Variants in SGO2 observed in about 807,000 individuals in gnomAD.
SGO2 encodes shugoshin 2, also known as shugoshin-like 2.
Under a neutral mutation model 99.5 loss-of-function variants are expected in SGO2, and 68 were observed. The observed-to-expected ratio is 0.68, with a 90% CI of 0.56 to 0.84. The LOEUF (loss-of-function observed/expected upper bound fraction) is 0.84, where lower values mean the gene tolerates loss of function less well. Among genes scored for constraint, SGO2 ranks in the 40% least tolerant of loss-of-function variants. SGO2 has a pLI of 0.00. For synonymous variants in SGO2, 457 were observed against 487.1 expected (o/e 0.94, Z 0.81); for missense variants, 1,350 against 1,436.7 (o/e 0.94, Z 0.97).
intron 2 of SGO2, chr2:200,533,448 A>G (rs1293137586): frequency 4.8e-6 from 1 of 206,274 alleles, no homozygotes; most frequent in Non-Finnish European, 9.8e-6. Context: ...TGGCAACTGG[A>G]TGATGGGTAG....
chr2:200,569,932 A>C, intron 6 of SGO2, 40 bp downstream of exon 6: 1 of 1,291,944 alleles, frequency 7.7e-7, no homozygotes, highest in Admixed American at 1.8e-5. Context: ...TATTTGTATT[A>C]GTTACATTCA....
intron 1 of SGO2, among the ~76,000 whole-genome samples, chr2:200,528,941 G>A (rs1228952579): frequency 6.6e-6 from 1 of 152,208 alleles, no homozygotes; most frequent in Non-Finnish European, 1.5e-5. Context: ...GATATTAAAT[G>A]CTTTTCACAG....
In SGO2 at chr2:200,573,253, A is replaced by C. The variant is rs751401444; in HGVS notation, c.2907A>C (p.Glu969Asp). The C allele has an allele frequency of 1.3e-6, 2 of 1,594,442 alleles. No homozygotes were observed. The highest frequency in any genetic ancestry group is 4.5e-5 in the East Asian group (2 of 44,702). The stretch of plus-strand genomic sequence containing the variant: ...ACTATATGGAAGTCAACAGTAATGA[A>C]AAGGAAAGTTGTGATCAAATTTTAG... The part of the protein sequence containing the change: ...NKHYMEVNSN[E>D]KESCDQILDS... Residue 969 changes from glutamate to aspartate, a missense_variant, in exon 7 of 9, where the codon GAA becomes GAC. By Grantham distance (45) the Glu-to-Asp change is conservative (BLOSUM62 2). Coordinates refer to ENST00000357799, the MANE Select transcript of SGO2 (RefSeq NM_152524.6).
intron 5 of SGO2, among the ~76,000 whole-genome samples, chr2:200,564,026 AT>A (rs2033086717): frequency 6.6e-6 from 1 of 152,038 alleles, no homozygotes; most frequent in Non-Finnish European, 1.5e-5. Flanking sequence ...GGATTAATTG[AT>A]TTTTTGAAGG....
chr2:200,552,255 T>C (rs72926097), intron 5 of SGO2, among the ~76,000 whole-genome samples: 16,754 of 152,222 alleles, frequency 0.11, 1,103 homozygotes, highest in Non-Finnish European at 0.15. Flanking sequence ...GGTCTTGCTA[T>C]GTTGTCCAGG....
rs969121896 is a variant in SGO2 at position 200,583,140 on chromosome 2, T to C, written c.3783-309T>C. ...GAGCATTTACTTTGTTTTTAAATGG[T>C]ATATTTTCACATGTTCTTGAACATA... On this transcript the variant is annotated intron_variant, in intron 8 of 8. Transcript: ENST00000357799. Among the ~76,000 whole-genome samples the C allele has an allele frequency of 2.0e-5, 3 of 152,200 alleles. No individual in the cohort carries two copies. The South Asian group carries it at 6.2e-4, about 32-fold the overall frequency.
chr2:200,535,936 A>G, intron 3 of SGO2, 129 bp from the exon 4 acceptor site: 2 of 499,972 alleles, frequency 4.0e-6, no homozygotes. Context: ...TGTGATCTCA[A>G]TTTTTAGCTC....
Position 200,573,910 on chromosome 2 carries a change from T to C in SGO2, c.3564T>C (p.Asp1188=). 6.2e-7 allele frequency: 1 copy of C among 1,610,042 alleles called. No individual in the cohort carries two copies. Among genetic ancestry groups the C allele is most frequent in the Non-Finnish European group, 8.5e-7 (1 of 1,178,820 alleles). ...GCTCCCCAGCCTTTCAAGTAAGTGA[T>C]GATGAGCATGAGAAGATGAACAAGA... ...LECSPAFQVS[D]DEHEKMNKMK... The change falls in exon 7 of 9, where the codon GAT becomes GAC. Residue 1188 remains aspartate (D), a synonymous_variant. Transcript: ENST00000357799.
intron 5 of SGO2, 71 bp downstream of exon 5, chr2:200,542,735 T>A (rs879557598): frequency 3.0e-5 from 40 of 1,317,762 alleles, no homozygotes; most frequent in Non-Finnish European, 4.0e-5. Flanking sequence ...TGTTTGTGTG[T>A]ATTGTACAGT....
chr2:200,569,879 T>A lies in SGO2; in HGVS notation c.690T>A (p.Asp230Glu). 2.5e-6 allele frequency: 4 copies of A among 1,581,878 alleles called. No homozygotes were observed. Among genetic ancestry groups the A allele is most frequent in the Non-Finnish European group, 3.5e-6 (4 of 1,151,724 alleles). The change falls in exon 6 of 9, where the codon GAT becomes GAA. Residue 230 changes from aspartate (D) to glutamate (E), a missense_variant. Asp to Glu is a conservative substitution (Grantham distance 45, BLOSUM62 2). Transcript: ENST00000357799. ...CAGAACATATTTCTTCTATAGTTGA[T>A]GTACCTCCCAGAGGTGAGATTGTTT... ...DDSEHISSIV[D>E]VPPRESHSHS...
At chr2:200,568,604 G>A (rs1215862877) in intron 5 of SGO2, among the ~76,000 whole-genome samples, 2 of 152,044 alleles carry the variant, frequency 1.3e-5, no homozygotes, top group African/African-American at 2.4e-5. Flanking sequence ...TCTCTTATCT[G>A]ACATTTCCCC....
rs2033510023 is a variant in SGO2 at position 200,573,038 on chromosome 2, C to A, written c.2692C>A (p.Gln898Lys). The change falls in exon 7 of 9, where the codon CAA becomes AAA. Residue 898 changes from glutamine (Q) to lysine (K), a missense_variant. Physicochemically the swap from Gln to Lys is moderately conservative, Grantham distance 53. Coordinates refer to ENST00000357799, the MANE Select transcript of SGO2 (RefSeq NM_152524.6). ...KYVTDRKSAE[Q>K]NESKINKLRN... Reference sequence around the variant, plus strand: ...TGTTACTGATAGGAAATCTGCTGAGCAAAATGAATCAAAAATAAATAAGCT... The same window carrying A: ...TGTTACTGATAGGAAATCTGCTGAGAAAAATGAATCAAAAATAAATAAGCT... 6.4e-7 allele frequency: 1 copy of A among 1,563,326 alleles called. No individual in the cohort carries two copies. Among genetic ancestry groups the A allele is most frequent in the Non-Finnish European group, 8.6e-7 (1 of 1,163,094 alleles).
chr2:200,565,942 T>C (rs988337297), intron 5 of SGO2, among the ~76,000 whole-genome samples: 1 of 152,182 alleles, frequency 6.6e-6, no homozygotes, highest in East Asian at 1.9e-4. Flanking sequence ...CTCTATGCTG[T>C]TTATTCTAGT....
intron 5 of SGO2, 178 bp downstream of exon 5, chr2:200,542,842 T>C (rs1043451898): frequency 7.2e-6 from 3 of 416,820 alleles, no homozygotes; most frequent in East Asian, 3.7e-5. Flanking sequence ...CCAAGGAAAC[T>C]TACGGTCAAT....
intron 3 of SGO2, 119 bp downstream of exon 3, chr2:200,535,290 G>A: frequency 3.5e-6 from 3 of 856,702 alleles, no homozygotes; most frequent in Non-Finnish European, 5.2e-6. Flanking sequence ...TTGAAAGTCA[G>A]TATACCATGT....
At chr2:200,582,611 A>G (rs1244313177) in intron 8 of SGO2, among the ~76,000 whole-genome samples, 1 of 152,144 alleles carries the variant, frequency 6.6e-6, no homozygotes, top group African/African-American at 2.4e-5. Flanking sequence ...AGGATTTAGT[A>G]TAATTAGTGC....
In SGO2 at chr2:200,570,194, A is replaced by T; in HGVS notation, c.703+302A>T. 2.9e-6 allele frequency: 1 copy of T among 345,500 alleles called. No homozygotes were observed. Among genetic ancestry groups the T allele is most frequent in the Non-Finnish European group, 5.2e-6 (1 of 193,316 alleles). 21.4% of individuals were successfully genotyped at this position (345,500 alleles called of 1,614,324 possible). A position where few individuals can be genotyped will look rare whatever the true frequency, so the allele number is the denominator to read the frequency against. On this transcript the variant is annotated intron_variant, in intron 6 of 8. Transcript: ENST00000357799. The surrounding 1 kb of genome is among the most constrained non-coding windows in gnomAD (Gnocchi z 4.4). Reference sequence around the variant, plus strand: ...TTTGAAAGATACCATATATTTACTTAGTTTTACCCTCTTTTTTTGTAGATA... The same window carrying T: ...TTTGAAAGATACCATATATTTACTTTGTTTTACCCTCTTTTTTTGTAGATA...
At chr2:200,538,909 T>G (rs1408620096) in intron 4 of SGO2, among the ~76,000 whole-genome samples, 5 of 152,166 alleles carry the variant, frequency 3.3e-5, no homozygotes, top group African/African-American at 1.2e-4. Context: ...CTTAAGATTT[T>G]TCTATTGTTA....
chr2:200,576,448 C>T (rs900935463), intron 8 of SGO2, among the ~76,000 whole-genome samples: 4 of 151,944 alleles, frequency 2.6e-5, no homozygotes, highest in East Asian at 1.9e-4. Context: ...TGGTGGCGTG[C>T]GCCTGTAGTC....
Sources: allele counts gnomAD v4.1 joint callset (sites outside exome capture counted in the v4.1 genomes callset), GRCh38; gene constraint gnomAD v4.1.1; non-coding constraint Gnocchi (gnomAD v3.1); transcripts MANE v1.5; gene names NCBI Gene and HGNC (gene_info 2026-07-23, HGNC 2026-07-21).